Variants in SFMBT1 observed in about 807,000 individuals in gnomAD.
The protein encoded by SFMBT1 is scm-like with four MBT domains protein 1.
A neutral mutation model predicts 108.7 loss-of-function variants in SFMBT1; 32 were observed. That is an observed-to-expected ratio of 0.29 (90% CI 0.22 to 0.40). SFMBT1 has a LOEUF of 0.40. SFMBT1 is among the 10% of genes least tolerant of loss of function. The pLI, the probability that SFMBT1 is intolerant of heterozygous loss-of-function variation, is 1.00. For synonymous variants in SFMBT1, 348 were observed against 369.5 expected (o/e 0.94, Z 0.67); for missense variants, 816 against 1,059.6 (o/e 0.77, Z 3.19).
At chr3:52,947,464 T>G (rs1703410891) in intron 3 of SFMBT1, among the ~76,000 whole-genome samples, 1 of 152,156 alleles carries the variant, frequency 6.6e-6, no homozygotes, top group African/African-American at 2.4e-5. Context: ...TGTATCTTAT[T>G]GTAATTTTAA....
At chr3:53,021,846 T>C (rs1028090885) in intron 1 of SFMBT1, among the ~76,000 whole-genome samples, 2 of 152,130 alleles carry the variant, frequency 1.3e-5, no homozygotes. Flanking sequence ...AAAATATTAA[T>C]ACATTATTTT....
chr3:52,916,211 T>C lies in SFMBT1; in HGVS notation c.1419A>G (p.Val473=). The change falls in exon 14 of 21, where the codon GTA becomes GTG. Residue 473 remains valine (V), a synonymous_variant. Coordinates refer to ENST00000394752, the MANE Select transcript of SFMBT1 (RefSeq NM_016329.4). The part of the protein sequence containing the change: ...KIAVVQPEKQ[V]PSSRTVHEGL... The stretch of plus-strand genomic sequence containing the variant: ...CCTCGTGGACAGTCCTCGAGGATGG[T>C]ACTCTGGGTCAAGAAAACACAGTAA... 6.2e-7 allele frequency: 1 copy of C among 1,613,820 alleles called. No homozygotes were observed. Among genetic ancestry groups the C allele is most frequent in the Non-Finnish European group, 8.5e-7 (1 of 1,179,788 alleles).
At chr3:52,922,822 G>A (rs1702557223) in intron 10 of SFMBT1, among the ~76,000 whole-genome samples, 1 of 152,224 alleles carries the variant, frequency 6.6e-6, no homozygotes, top group African/African-American at 2.4e-5. Flanking sequence ...AGGAACTGCT[G>A]AGGGCATGTA....
intron 1 of SFMBT1, among the ~76,000 whole-genome samples, chr3:53,002,964 A>T (rs1698610532): frequency 6.7e-6 from 1 of 149,198 alleles, no homozygotes; most frequent in African/African-American, 2.4e-5. Context: ...ACTACTCAAA[A>T]TATAAAAATT....
chr3:53,034,610 T>C (rs892328027), intron 1 of SFMBT1, among the ~76,000 whole-genome samples: 5 of 151,474 alleles, frequency 3.3e-5, no homozygotes, highest in African/African-American at 1.2e-4. Flanking sequence ...AAAATAAATT[T>C]AAAAAATAAA....
Position 52,911,067 on chromosome 3 carries a change from G to A in SFMBT1, c.1842C>T (p.Phe614=), listed in dbSNP as rs758957102. The A allele has an allele frequency of 3.7e-6, 6 of 1,614,068 alleles. No individual in the cohort carries two copies. The highest frequency in any genetic ancestry group is 5.1e-6 in the Non-Finnish European group (6 of 1,180,034). ...ACTTATCCAGAACCATCCGTGGACC[G>A]AAGAGGTTAGGACAGCATTCCAGTT... The part of the protein sequence containing the change: ...CIKLECCPNL[F]GPRMVLDKCS... The change falls in exon 17 of 21, where the codon TTC becomes TTT. Residue 614 remains phenylalanine, a synonymous_variant. Coordinates refer to ENST00000394752, the MANE Select transcript of SFMBT1 (RefSeq NM_016329.4).
At chr3:52,925,258 A>G (rs1450046802) in intron 10 of SFMBT1, among the ~76,000 whole-genome samples, 1 of 152,194 alleles carries the variant, frequency 6.6e-6, no homozygotes, top group African/African-American at 2.4e-5. Context: ...CTCAGCTGTA[A>G]TATCTGAATG....
intron 1 of SFMBT1, among the ~76,000 whole-genome samples, chr3:52,971,782 T>C (rs942972497): frequency 6.6e-6 from 1 of 152,104 alleles, no homozygotes; most frequent in Admixed American, 6.6e-5. Context: ...GAGAAAATGA[T>C]ACAGCAGCTA....
chr3:53,013,288 T>C (rs1019729217), intron 1 of SFMBT1, among the ~76,000 whole-genome samples: 3 of 151,718 alleles, frequency 2.0e-5, no homozygotes, highest in Non-Finnish European at 2.9e-5. Flanking sequence ...GTAATCATTC[T>C]TCAATCTTTC....
rs375089511 is a variant in SFMBT1, at chr3:53,024,641, A to T, written c.-131+21175T>A. ...GCTAAGAGGCTCCCGAAATAATCCA[A>T]GTCAAACTGAATGATCGCTGGGACC... On this transcript the variant is annotated intron_variant, in intron 1 of 20. Transcript: ENST00000394752. Among the ~76,000 whole-genome samples, 8 of 152,340 alleles carry T rather than the reference A, an allele frequency of 5.3e-5. No homozygotes were observed. In the East Asian group the frequency reaches 1.2e-3, roughly 22 times the overall value.
chr3:52,953,935 C>T (rs1703682737), intron 3 of SFMBT1, among the ~76,000 whole-genome samples: 1 of 151,896 alleles, frequency 6.6e-6, no homozygotes, highest in African/African-American at 2.4e-5. Context: ...CGAGACCATC[C>T]TGGCAATGGT....
chr3:53,024,471 T>C (rs945858926), intron 1 of SFMBT1, among the ~76,000 whole-genome samples: 4 of 150,034 alleles, frequency 2.7e-5, no homozygotes, highest in African/African-American at 1.0e-4. Flanking sequence ...GGGCCGGCCA[T>C]GAGAGCCTTG....
At chr3:53,033,566 TCTA>T (rs1699761835) in intron 1 of SFMBT1, among the ~76,000 whole-genome samples, 1 of 152,066 alleles carries the variant, frequency 6.6e-6, no homozygotes, top group Non-Finnish European at 1.5e-5. Flanking sequence ...CCAAATACTC[TCTA>T]CTTAGATTCA....
At chr3:52,930,855 G>A in intron 7 of SFMBT1, 86 bp downstream of exon 7, 2 of 1,066,910 alleles carry the variant, frequency 1.9e-6, no homozygotes, top group South Asian at 2.7e-5. Flanking sequence ...ACCGACTGCA[G>A]GGGCTGCTTT....
intron 4 of SFMBT1, 95 bp from the exon 5 acceptor site, chr3:52,934,996 T>C: frequency 1.0e-6 from 1 of 995,288 alleles, no homozygotes; most frequent in East Asian, 2.6e-5. Context: ...GTATTTCACA[T>C]TTTAAGATCT....
At chr3:52,909,243 CCA>C (rs1210558650) in intron 17 of SFMBT1, among the ~76,000 whole-genome samples, 1 of 152,136 alleles carries the variant, frequency 6.6e-6, no homozygotes, top group Non-Finnish European at 1.5e-5. Context: ...ACAATAAAAT[CCA>C]CATATCTTCC....
intron 1 of SFMBT1, among the ~76,000 whole-genome samples, chr3:53,039,807 G>C (rs1451196600): frequency 6.6e-6 from 1 of 151,978 alleles, no homozygotes. Context: ...GCTAATTTTG[G>C]TATACTTTTT....
chr3:52,972,648 C>T (rs1704382336), intron 1 of SFMBT1, among the ~76,000 whole-genome samples: 3 of 151,858 alleles, frequency 2.0e-5, no homozygotes, highest in Admixed American at 2.0e-4. Context: ...TGGCTCACGC[C>T]TGTAATCCCA....
At chr3:52,924,667 C>T (rs915268184) in intron 10 of SFMBT1, among the ~76,000 whole-genome samples, 3 of 119,676 alleles carry the variant, frequency 2.5e-5, no homozygotes. Flanking sequence ...CAAACAACAA[C>T]AACAACAACA....
Sources: allele counts gnomAD v4.1 joint callset (sites outside exome capture counted in the v4.1 genomes callset), GRCh38; gene constraint gnomAD v4.1.1; transcripts MANE v1.5; gene names NCBI Gene and HGNC (gene_info 2026-07-23, HGNC 2026-07-21).